SLC25A13: variants seen among roughly 807,000 people sequenced by gnomAD.
SLC25A13 encodes solute carrier family 25 member 13.
In SLC25A13, 70 loss-of-function variants were observed where a neutral mutation model predicts 85.5. That is an observed-to-expected ratio of 0.82 (90% CI 0.68 to 1.00). The LOEUF is 1.00. Among genes scored for constraint, SLC25A13 ranks in the 50% least tolerant of loss-of-function variants. SLC25A13 has a pLI of 0.00. For synonymous variants in SLC25A13, 259 were observed against 288.7 expected, an observed-to-expected ratio of 0.90 and a Z score of 1.04; for missense variants, 765 against 819.8, an observed-to-expected ratio of 0.93 and a Z score of 0.82.
At chr7:96,291,923 T>C (rs541329361) in intron 2 of SLC25A13, among the ~76,000 whole-genome samples, 4 of 152,304 alleles carry the variant, frequency 2.6e-5, no homozygotes, top group African/African-American at 7.2e-5. Context: ...CCCTAACTCA[T>C]TTTATGAGGC....
intron 11 of SLC25A13, among the ~76,000 whole-genome samples, chr7:96,176,902 A>G (rs1340311877): frequency 6.6e-6 from 1 of 152,152 alleles, no homozygotes; most frequent in African/African-American, 2.4e-5. Context: ...CCTGGGCTAG[A>G]ATGCTAGGTC....
intron 4 of SLC25A13, among the ~76,000 whole-genome samples, chr7:96,228,775 G>A (rs895635811): frequency 2.0e-5 from 3 of 152,200 alleles, no homozygotes; most frequent in African/African-American, 7.2e-5. Context: ...CTGGGTGGGC[G>A]TGGGCTCCGC....
At chr7:96,129,464 T>TA (rs969757912) in intron 15 of SLC25A13, among the ~76,000 whole-genome samples, 34 of 151,206 alleles carry the variant, frequency 2.2e-4, no homozygotes, top group East Asian at 9.7e-4. Flanking sequence ...CTATTTCTCT[T>TA]AAAAAAAAAT....
At chr7:96,264,838 C>T (rs556504059) in intron 3 of SLC25A13, among the ~76,000 whole-genome samples, 28 of 152,106 alleles carry the variant, frequency 1.8e-4, no homozygotes, top group Non-Finnish European at 3.5e-4. Context: ...CATGAGCCAG[C>T]ACACCCAGCC....
At chr7:96,304,767 G>C (rs1447171366) in intron 1 of SLC25A13, among the ~76,000 whole-genome samples, 1 of 152,154 alleles carries the variant, frequency 6.6e-6, no homozygotes, top group East Asian at 1.9e-4. Context: ...TCACCTATGG[G>C]AAAGCTGCAG....
intron 4 of SLC25A13, among the ~76,000 whole-genome samples, chr7:96,227,795 C>A (rs1256900893): frequency 6.6e-6 from 1 of 152,128 alleles, no homozygotes; most frequent in Non-Finnish European, 1.5e-5. Context: ...AAATGTAAAT[C>A]TGAAAGGAAA....
chr7:96,225,869 C>T (rs962021425), intron 4 of SLC25A13, among the ~76,000 whole-genome samples: 5 of 152,112 alleles, frequency 3.3e-5, no homozygotes, highest in Admixed American at 1.3e-4. Flanking sequence ...CTCCCTAAAA[C>T]GTTCCTCAAA....
chr7:96,246,598 A>C (rs1797199432), intron 3 of SLC25A13, among the ~76,000 whole-genome samples: 3 of 152,230 alleles, frequency 2.0e-5, no homozygotes, highest in African/African-American at 7.2e-5. Flanking sequence ...ACATGAAATC[A>C]AAATTATACT....
chr7:96,149,809 T>G, intron 13 of SLC25A13, among the ~76,000 whole-genome samples: 1 of 152,232 alleles, frequency 6.6e-6, no homozygotes, highest in East Asian at 1.9e-4. Context: ...TTCCAATTCC[T>G]GGTCTATTAT....
chr7:96,244,161 C>T (rs1797095667), intron 3 of SLC25A13, among the ~76,000 whole-genome samples: 2 of 152,046 alleles, frequency 1.3e-5, no homozygotes, highest in Admixed American at 6.5e-5. Context: ...CTGGAAGTCA[C>T]AGCAAGCAGT....
chr7:96,275,428 A>C (rs1385854488), intron 3 of SLC25A13, among the ~76,000 whole-genome samples: 1 of 152,226 alleles, frequency 6.6e-6, no homozygotes, highest in East Asian at 1.9e-4. Flanking sequence ...ATAAAGACAC[A>C]TGCACACGTA....
At chr7:96,197,767 A>T (rs914167639) in intron 5 of SLC25A13, among the ~76,000 whole-genome samples, 3 of 152,228 alleles carry the variant, frequency 2.0e-5, no homozygotes, top group African/African-American at 7.2e-5. Context: ...AATGAAGGGG[A>T]TCAGAAGTAA....
rs555901405 is a variant in SLC25A13 at position 96,283,690 on chromosome 7, T to C, written c.70-6352A>G. The C allele has an allele frequency of 1.0e-5, 3 of 289,126 alleles. No individual in the cohort carries two copies. In the South Asian group the frequency reaches 1.1e-4, roughly 11 times the overall value. The allele number at this position is 289,126 out of a possible 1,614,324, so 17.9% of individuals were successfully genotyped here. A position where few individuals can be genotyped will look rare whatever the true frequency, so the allele number is the denominator to read the frequency against. ...GCTTCCTGAAATGCATGAAGAAAAA[T>C]GATCAGAAAAAGAAGGTGTACCTGG... On this transcript the variant is annotated intron_variant, in intron 2 of 17. Transcript: ENST00000265631.
chr7:96,308,819 G>A (rs1479904846), intron 1 of SLC25A13, among the ~76,000 whole-genome samples: 1 of 152,182 alleles, frequency 6.6e-6, no homozygotes, highest in African/African-American at 2.4e-5. Flanking sequence ...AAGGGGCAAT[G>A]TTCTTCATTT....
At chr7:96,190,841 G>C (rs965949173) in intron 7 of SLC25A13, among the ~76,000 whole-genome samples, 12 of 152,004 alleles carry the variant, frequency 7.9e-5, no homozygotes, top group African/African-American at 2.9e-4. Context: ...TCGAACTCCT[G>C]ATCTCAGGTG....
intron 4 of SLC25A13, among the ~76,000 whole-genome samples, chr7:96,233,668 G>T (rs1025270248): frequency 3.3e-5 from 5 of 152,092 alleles, no homozygotes; most frequent in Admixed American, 6.5e-5. Flanking sequence ...AGATAAATGA[G>T]GACTGGAGAG....
chr7:96,292,439 G>T (rs1416532763), intron 2 of SLC25A13, among the ~76,000 whole-genome samples: 1 of 152,138 alleles, frequency 6.6e-6, no homozygotes, highest in Admixed American at 6.5e-5. Context: ...GGGCAATCAG[G>T]CAGGAGAAAG....
intron 4 of SLC25A13, among the ~76,000 whole-genome samples, chr7:96,233,915 T>A (rs961689996): frequency 1.3e-5 from 2 of 152,210 alleles, no homozygotes; most frequent in African/African-American, 4.8e-5. Context: ...GGGTCTCACG[T>A]TCTATGACGC....
At chr7:96,160,716 C>T (rs1793475257) in intron 13 of SLC25A13, among the ~76,000 whole-genome samples, 1 of 152,184 alleles carries the variant, frequency 6.6e-6, no homozygotes. Flanking sequence ...TTAAACATAG[C>T]AATTGTGGGG....
Sources: gnomAD v4.1 joint callset for allele counts (sites outside exome capture counted in the v4.1 genomes callset) on GRCh38, gnomAD v4.1.1 for gene constraint, MANE v1.5 for transcripts, NCBI Gene and HGNC (gene_info 2026-07-23, HGNC 2026-07-21) for gene names.